Variants in UBASH3A observed in about 807,000 individuals in gnomAD.
The protein encoded by UBASH3A is ubiquitin-associated and SH3 domain-containing protein A.
Under a neutral mutation model 73.5 loss-of-function variants are expected in UBASH3A, and 63 were observed. The observed-to-expected ratio is 0.86, with a 90% CI of 0.70 to 1.06. UBASH3A has a LOEUF of 1.06. UBASH3A is among the 50% of genes least tolerant of loss of function. The pLI, the probability that UBASH3A is intolerant of heterozygous loss-of-function variation, is 0.00. For missense variants in UBASH3A, 860 were observed against 859.0 expected, an observed-to-expected ratio of 1.00 and a Z score of -0.02; for synonymous variants, 363 against 351.1, an observed-to-expected ratio of 1.03 and a Z score of -0.38.
intron 10 of UBASH3A, 118 bp from the exon 11 acceptor site, chr21:42,437,370 G>A (rs1171587697): frequency 1.2e-6 from 1 of 808,158 alleles, no homozygotes; most frequent in Admixed American, 2.0e-5. Flanking sequence ...GTCACACCAG[G>A]GGGTGGAAAC....
chr21:42,427,139 C>T (rs1233370439), intron 8 of UBASH3A, among the ~76,000 whole-genome samples: 1 of 152,164 alleles, frequency 6.6e-6, no homozygotes, highest in Admixed American at 6.5e-5. Flanking sequence ...ACGTCACCTG[C>T]CCCGGTGCCT....
chr21:42,441,507 T>TTGG, intron 11 of UBASH3A, among the ~76,000 whole-genome samples: 1 of 95,880 alleles, frequency 1.0e-5, no homozygotes, highest in Non-Finnish European at 2.1e-5. Flanking sequence ...GCCTGGTTGA[T>TTGG]GAAGGAGGAC....
intron 8 of UBASH3A, among the ~76,000 whole-genome samples, chr21:42,429,025 A>C (rs1223730445): frequency 6.6e-6 from 1 of 152,162 alleles, no homozygotes; most frequent in East Asian, 1.9e-4. Flanking sequence ...GTCATCCAGG[A>C]GGGCCCTAAA....
At position 42,406,027 on chromosome 21, in the gene UBASH3A, G is replaced by A. The variant is rs993312434; in HGVS notation, c.114-281G>A. The stretch of plus-strand genomic sequence containing the variant: ...CCAGGGAGAGGGATTGCAGGAGCGG[G>A]CGGAGGTCAGGTCCTCAGCCCTGAG... On this transcript the variant is annotated intron_variant, in intron 1 of 14. Transcript: ENST00000319294. Among the ~76,000 whole-genome samples, 4 of 151,700 alleles carry A rather than the reference G, an allele frequency of 2.6e-5. No homozygotes were observed. In the South Asian group the frequency reaches 8.4e-4, roughly 32 times the overall value.
intron 9 of UBASH3A, among the ~76,000 whole-genome samples, chr21:42,433,805 G>A (rs576725711): frequency 1.4e-3 from 220 of 152,036 alleles, no homozygotes; most frequent in Middle Eastern, 6.8e-3. Flanking sequence ...ATTGCCCCCC[G>A]CTGACCCCTG....
intron 7 of UBASH3A, among the ~76,000 whole-genome samples, chr21:42,419,609 G>C (rs922523798): frequency 2.6e-5 from 4 of 152,176 alleles, no homozygotes; most frequent in African/African-American, 9.7e-5. Flanking sequence ...TGGTGATTTG[G>C]GCTTTCTCTG....
chr21:42,425,529 A>G (rs1005662440), intron 7 of UBASH3A, among the ~76,000 whole-genome samples: 2 of 152,352 alleles, frequency 1.3e-5, no homozygotes, highest in Middle Eastern at 3.4e-3. Flanking sequence ...GATTGTTCCA[A>G]TGAGACTATC....
intron 7 of UBASH3A, among the ~76,000 whole-genome samples, chr21:42,424,461 C>T (rs1365197708): frequency 6.6e-6 from 1 of 152,170 alleles, no homozygotes; most frequent in East Asian, 1.9e-4. Flanking sequence ...TCAGAGATGG[C>T]CTGGAGAGAC....
chr21:42,413,563 T>C lies in UBASH3A; in HGVS notation c.667+40T>C, dbSNP rs1035330264. 3 of 1,448,346 alleles carry C rather than the reference T, an allele frequency of 2.1e-6. No individual in the cohort carries two copies. In the African/African-American group the frequency reaches 4.2e-5, roughly 20 times the overall value. The allele number at this position is 1,448,346 out of a possible 1,614,324, so 89.7% of individuals were successfully genotyped here. On this transcript the variant is annotated intron_variant, in intron 5 of 14. Transcript: ENST00000319294. This position sits in a 1 kb window ranked among gnomAD's most constrained non-coding sequence, Gnocchi z 4.5. The stretch of plus-strand genomic sequence containing the variant: ...AGCTTCCGGACCAGCTTTGGTCTTC[T>C]CTTTAGGCGGGAATAGCCTTGTTCT...
Position 42,447,358 on chromosome 21 carries a change from C to T in UBASH3A, c.*164C>T, listed in dbSNP as rs572063530. ...CCGGAATATTTCCCTCCGGCTTTCG[C>T]CTTTGTAACTCCCATCTGTGGACCC... On this transcript the variant is annotated 3_prime_UTR_variant, in exon 15 of 15. Coordinates refer to ENST00000319294, the MANE Select transcript of UBASH3A (RefSeq NM_018961.4). The T allele has an allele frequency of 4.3e-5, 32 of 743,528 alleles. No homozygotes were observed. In the South Asian group the frequency reaches 5.5e-4, roughly 13 times the overall value. 46.1% of individuals were successfully genotyped at this position (743,528 alleles called of 1,614,324 possible). A position where few individuals can be genotyped will look rare whatever the true frequency, so the allele number is the denominator to read the frequency against.
Position 42,408,883 on chromosome 21 carries a change from AAAAATAAAATAAAATAAAATAAAAT to A in UBASH3A, c.168-494_168-470del, listed in dbSNP as rs537094372. ...GGGTGACAGAGAAAGACTCCATCTC[AAAAATAAAATAAAATAAAATAAAAT>A]AAAATAAAATAAAATAAAATAAAAT... On this transcript the variant is annotated intron_variant, in intron 2 of 14. Transcript: ENST00000319294. Among the ~76,000 whole-genome samples, 101 of 115,450 alleles carry A rather than the reference AAAAATAAAATAAAATAAAATAAAAT, an allele frequency of 8.7e-4. 1 individual carries two copies. The highest frequency in any genetic ancestry group is 2.6e-3 in the Admixed American group (28 of 10,798). 75.7% of individuals were successfully genotyped at this position (115,450 alleles called of 152,430 possible).
intron 2 of UBASH3A, 68 bp from the exon 3 acceptor site, chr21:42,409,354 T>C: frequency 3.4e-6 from 5 of 1,453,464 alleles, no homozygotes; most frequent in Non-Finnish European, 4.6e-6. Flanking sequence ...CATTCTGTTG[T>C]GTATCCTCAA....
At chr21:42,424,521 T>G (rs1359782503) in intron 7 of UBASH3A, among the ~76,000 whole-genome samples, 1 of 151,998 alleles carries the variant, frequency 6.6e-6, no homozygotes, top group Non-Finnish European at 1.5e-5. Context: ...CAATCCTCTG[T>G]CCAGGAGAGC....
chr21:42,416,281 A>G (rs9976767), intron 5 of UBASH3A, among the ~76,000 whole-genome samples, 161 bp from the exon 6 acceptor site: 67,843 of 151,706 alleles, frequency 0.45, 15,634 homozygotes, highest in African/African-American at 0.53. Flanking sequence ...GGAAAAATCT[A>G]CAGGGATCCA....
chr21:42,417,878 CTTTTTTTT>C (rs796939696), intron 6 of UBASH3A, among the ~76,000 whole-genome samples: 10 of 90,624 alleles, frequency 1.1e-4, no homozygotes, highest in Non-Finnish European at 1.9e-4. Context: ...TTCTTTTTTT[CTTTTTTTT>C]TTTTTTTTTT....
intron 7 of UBASH3A, among the ~76,000 whole-genome samples, chr21:42,425,972 A>G (rs138851300): frequency 6.6e-6 from 1 of 152,300 alleles, no homozygotes; most frequent in Non-Finnish European, 1.5e-5. Flanking sequence ...ACAAAGACAG[A>G]GAGACAGAGA....
intron 7 of UBASH3A, among the ~76,000 whole-genome samples, chr21:42,424,781 G>A (rs2053405488): frequency 6.6e-6 from 1 of 152,210 alleles, no homozygotes; most frequent in South Asian, 2.1e-4. Flanking sequence ...CTCAGAATGT[G>A]AACTTATTTG....
intron 2 of UBASH3A, among the ~76,000 whole-genome samples, chr21:42,406,794 G>A (rs971223105): frequency 2.0e-5 from 3 of 152,210 alleles, no homozygotes; most frequent in African/African-American, 7.2e-5. Context: ...GCCTATTTCA[G>A]TAATTGAAGA....
chr21:42,421,814 A>G (rs920395683), intron 7 of UBASH3A, among the ~76,000 whole-genome samples: 3 of 152,260 alleles, frequency 2.0e-5, no homozygotes, highest in African/African-American at 7.2e-5. Flanking sequence ...AAGAGCTGAA[A>G]TAAATGATTG....
Sources: gnomAD v4.1 joint callset for allele counts (sites outside exome capture counted in the v4.1 genomes callset) on GRCh38, gnomAD v4.1.1 for gene constraint, Gnocchi (gnomAD v3.1) non-coding constraint, MANE v1.5 for transcripts, NCBI Gene and HGNC (gene_info 2026-07-23, HGNC 2026-07-21) for gene names.